SF3B1: variants seen among roughly 807,000 people sequenced by gnomAD.
SF3B1 encodes the protein pre-mRNA processing 10.
Under a neutral mutation model 153.8 loss-of-function variants are expected in SF3B1, and 12 were observed. That is an observed-to-expected ratio of 0.08 (90% confidence interval 0.05 to 0.13). SF3B1 has a LOEUF of 0.13. SF3B1 is among the 10% of genes least tolerant of loss of function. SF3B1 has a pLI of 1.00. For missense variants in SF3B1, 513 were observed against 1,606.1 expected, an observed-to-expected ratio of 0.32 and a Z score of 11.63; for synonymous variants, 498 against 525.2, an observed-to-expected ratio of 0.95 and a Z score of 0.71.
chr2:197,404,560 G>C (rs892887158), intron 11 of SF3B1, among the ~76,000 whole-genome samples: 6 of 151,892 alleles, frequency 4.0e-5, no homozygotes, highest in Admixed American at 2.0e-4. Flanking sequence ...CTGGGCAAGA[G>C]AGCAAGACCC....
At chr2:197,414,811 C>T (rs2085123193) in intron 6 of SF3B1, among the ~76,000 whole-genome samples, 5 of 152,046 alleles carry the variant, frequency 3.3e-5, no homozygotes, top group African/African-American at 1.2e-4. Context: ...TTGAGATCAG[C>T]CTGGACAACA....
rs2084804916 is a variant in SF3B1, at chr2:197,390,994, T to C, written c.*1309A>G. On this transcript the variant is annotated 3_prime_UTR_variant, in exon 25 of 25. Coordinates refer to ENST00000335508, the MANE Select transcript of SF3B1 (RefSeq NM_012433.4). ...AGTAGTAGTTATATACTAATGCTGC[T>C]TGCAGAATTTTTTTTCCCTTTAGAG... 6.6e-6 allele frequency: 1 copy of C among 152,224 alleles called. No homozygotes were observed. Among genetic ancestry groups the C allele is most frequent in the East Asian group, 1.9e-4 (1 of 5,200 alleles). 9.4% of individuals were successfully genotyped at this position (152,224 alleles called of 1,614,324 possible).
chr2:197,419,077 T>C, intron 4 of SF3B1: 1 of 719,396 alleles, frequency 1.4e-6, no homozygotes, highest in African/African-American at 1.8e-5. Context: ...CTTCATACAG[T>C]GTTCTAAAAC....
At chr2:197,412,724 C>T (rs181030241) in intron 6 of SF3B1, among the ~76,000 whole-genome samples, 215 of 150,448 alleles carry the variant, frequency 1.4e-3, no homozygotes, top group Non-Finnish European at 2.5e-3. Flanking sequence ...GTGGCTCACA[C>T]GTGTAATCCC....
In SF3B1 at chr2:197,398,164, T is replaced by C. The variant is rs549294581; in HGVS notation, c.3135-48A>G. On this transcript the variant is annotated intron_variant, in intron 21 of 24. Coordinates refer to ENST00000335508, the MANE Select transcript of SF3B1 (RefSeq NM_012433.4). ...TAATTATTGTGACATTAAGAAAAGTTTTAAGGATAAATTTGCAAATTCAGT... is the reference window on the plus strand; with the variant it reads ...TAATTATTGTGACATTAAGAAAAGTCTTAAGGATAAATTTGCAAATTCAGT... 3.4e-5 allele frequency: 52 copies of C among 1,510,830 alleles called. 1 individual carries two copies. In the Middle Eastern group the frequency reaches 5.3e-4, roughly 15 times the overall value. 93.6% of individuals were successfully genotyped at this position (1,510,830 alleles called of 1,614,324 possible).
At chr2:197,421,736 T>C (rs983063442) in intron 2 of SF3B1, among the ~76,000 whole-genome samples, 2 of 152,024 alleles carry the variant, frequency 1.3e-5, no homozygotes, top group African/African-American at 2.4e-5. Context: ...CCCAACACTT[T>C]GGGAGGCCGA....
intron 1 of SF3B1, among the ~76,000 whole-genome samples, chr2:197,434,384 T>C (rs771580276): frequency 5.3e-5 from 8 of 152,054 alleles, no homozygotes; most frequent in Non-Finnish European, 1.2e-4. Flanking sequence ...ATAACCAGTC[T>C]CCAAAGAAAA....
rs1159430616 is a variant in SF3B1, at chr2:197,408,419, C to T, written c.1067G>A (p.Gly356Glu). 2.5e-6 allele frequency: 4 copies of T among 1,613,986 alleles called. No homozygotes were observed. Residue 356 changes from glycine (G) to glutamate (E), a missense_variant, in exon 8 of 25, where the codon GGA becomes GAA. By Grantham distance (98) the Gly-to-Glu change is moderately conservative (BLOSUM62 -2). Around this residue, in one of 21 missense-constraint regions of SF3B1, gnomAD observed 91 missense variants for 157.4 expected, o/e 0.58. Coordinates refer to ENST00000335508, the MANE Select transcript of SF3B1 (RefSeq NM_012433.4). Reference protein sequence around the residue: ...MGGSTPVLTPGKTPIGTPAMN... With the variant: ...MGGSTPVLTPEKTPIGTPAMN... The stretch of plus-strand genomic sequence containing the variant: ...GGCTGGTGTGCCAATTGGTGTCTTT[C>T]CAGGGGTCAGAACTGGAGTGCTTCC...
chr2:197,396,731 G>A (rs1473455234), intron 22 of SF3B1, among the ~76,000 whole-genome samples: 2 of 152,220 alleles, frequency 1.3e-5, no homozygotes, highest in Non-Finnish European at 2.9e-5. Context: ...TATCCGAATT[G>A]TAGTCTCCCA....
At chr2:197,421,625 T>C (rs1278140956) in intron 2 of SF3B1, among the ~76,000 whole-genome samples, 2 of 152,172 alleles carry the variant, frequency 1.3e-5, no homozygotes, top group African/African-American at 4.8e-5. Flanking sequence ...AAAGTACAAC[T>C]GTTTGGGAGG....
At chr2:197,425,581 C>CA (rs1027547776) in intron 1 of SF3B1, among the ~76,000 whole-genome samples, 3 of 152,110 alleles carry the variant, frequency 2.0e-5, no homozygotes, top group African/African-American at 7.2e-5. Context: ...CCTCCCACCC[C>CA]CCCAGCTAAG....
At position 197,400,022 on chromosome 2, in the gene SF3B1, GA is replaced by G; in HGVS notation, c.3013+32del. The G allele has an allele frequency of 7.4e-7, 1 of 1,349,628 alleles. No individual in the cohort carries two copies. Among genetic ancestry groups the G allele is most frequent in the African/African-American group, 1.5e-5 (1 of 67,350 alleles). 83.6% of individuals were successfully genotyped at this position (1,349,628 alleles called of 1,614,324 possible). A position where few individuals can be genotyped will look rare whatever the true frequency, so the allele number is the denominator to read the frequency against. ...AAAAAGAAAAAGAAAGTTAAAACAA[GA>G]AAAAGTCTTATGTAACCAGCAAATT... is the stretch of plus-strand genomic sequence containing the variant. On this transcript the variant is annotated intron_variant, in intron 20 of 24. Coordinates refer to ENST00000335508, the MANE Select transcript of SF3B1 (RefSeq NM_012433.4). The surrounding 1 kb of genome is among the most constrained non-coding windows in gnomAD (Gnocchi z 5.0).
chr2:197,407,931 A>T, intron 9 of SF3B1, 67 bp downstream of exon 9: 1 of 1,455,318 alleles, frequency 6.9e-7, no homozygotes, highest in Non-Finnish European at 9.5e-7. Context: ...AAGCTTAATC[A>T]ATTTTTTTCA....
At position 197,392,185 on chromosome 2, in the gene SF3B1, C is replaced by T; in HGVS notation, c.*118G>A. 1 of 476,596 alleles carries T rather than the reference C, an allele frequency of 2.1e-6. No homozygotes were observed. Among genetic ancestry groups the T allele is most frequent in the African/African-American group, 2.0e-5 (1 of 50,202 alleles). The allele number at this position is 476,596 out of a possible 1,614,324, so 29.5% of individuals were successfully genotyped here. On this transcript the variant is annotated 3_prime_UTR_variant, in exon 25 of 25. Coordinates refer to ENST00000335508, the MANE Select transcript of SF3B1 (RefSeq NM_012433.4). ...AAAAATCATGCTACTGGATTTCTAG[C>T]TCTTCCTCTATGACCAGTTCTACAC...
intron 6 of SF3B1, among the ~76,000 whole-genome samples, chr2:197,412,448 C>T (rs1054110546): frequency 2.0e-5 from 3 of 151,416 alleles, no homozygotes; most frequent in Non-Finnish European, 4.4e-5. Context: ...CTCTGTCTCC[C>T]GGGTTCAAGC....
chr2:197,394,648 G>A (rs537235013), intron 23 of SF3B1, among the ~76,000 whole-genome samples: 1 of 152,218 alleles, frequency 6.6e-6, no homozygotes, highest in Non-Finnish European at 1.5e-5. Context: ...GCTCACGCCT[G>A]TAATCCCAGC....
chr2:197,408,159 A>G lies in SF3B1; in HGVS notation c.1118-40T>C, dbSNP rs766776122. On this transcript the variant is annotated intron_variant, in intron 8 of 24. Transcript: ENST00000335508. ...AAATTTTTATATAATCTATAGTACA[A>G]GACTGTATTATTACATACATTGAGA... 1.6e-5 allele frequency: 25 copies of G among 1,519,326 alleles called. No homozygotes were observed. In the South Asian group the frequency reaches 2.9e-4, roughly 17 times the overall value. 94.1% of individuals were successfully genotyped at this position (1,519,326 alleles called of 1,614,324 possible).
intron 1 of SF3B1, among the ~76,000 whole-genome samples, chr2:197,433,527 T>C (rs371860043): frequency 5.3e-5 from 8 of 152,262 alleles, no homozygotes; most frequent in African/African-American, 1.7e-4. Context: ...ATATTTGAGA[T>C]AGTCTAAAGA....
At position 197,405,359 on chromosome 2, in the gene SF3B1, T is replaced by C; in HGVS notation, c.1353A>G (p.Arg451=). 1 of 1,614,126 alleles carries C rather than the reference T, an allele frequency of 6.2e-7. No homozygotes were observed. Among genetic ancestry groups the C allele is most frequent in the Non-Finnish European group, 8.5e-7 (1 of 1,180,006 alleles). The change falls in exon 10 of 25, where the codon CGA becomes CGG. Residue 451 remains arginine (R), a synonymous_variant. Coordinates refer to ENST00000335508, the MANE Select transcript of SF3B1 (RefSeq NM_012433.4). ...MTGFHMQTED[R]TMKSVNDQPS... is the part of the protein sequence containing the mutation. ...GCTGGTCATTAACACTTTTCATAGT[T>C]CGATCTTCAGTTTGCATGTGGAAAC...
Sources: allele counts gnomAD v4.1 joint callset (sites outside exome capture counted in the v4.1 genomes callset), GRCh38; gene constraint gnomAD v4.1.1; regional missense constraint gnomAD v4.1.1; non-coding constraint Gnocchi (gnomAD v3.1); transcripts MANE v1.5; gene names NCBI Gene and HGNC (gene_info 2026-07-23, HGNC 2026-07-21).